SFTPD: variants seen among roughly 807,000 people sequenced by gnomAD.
SFTPD encodes the protein pulmonary surfactant-associated protein D.
A neutral mutation model predicts 34.6 loss-of-function variants in SFTPD; 18 were observed. That is an observed-to-expected ratio of 0.52 (90% CI 0.36 to 0.77). The LOEUF is 0.77. Ranked by LOEUF, SFTPD falls within the 30% of genes least tolerant of loss-of-function variation. The probability of loss-of-function intolerance (pLI) is 0.00; values close to 1 mark genes in which losing one functional copy is unlikely to be tolerated. For synonymous variants in SFTPD, 155 were observed against 180.9 expected (o/e 0.86, Z 1.15); for missense variants, 433 against 468.9 (o/e 0.92, Z 0.71).
chr10:79,940,744 CT>C lies in SFTPD; in HGVS notation c.711del (p.Val238TyrfsTer34). 6.2e-7 allele frequency: 1 copy of C among 1,612,542 alleles called. No individual in the cohort carries two copies. Among genetic ancestry groups the C allele is most frequent in the Non-Finnish European group, 8.5e-7 (1 of 1,178,668 alleles). ...LRQQVEALQG[Q>X]VQHLQAAFSQ... ...GAGAAAGCAGCCTGGAGGTGCTGTA[CT>C]TGTCCCTGTAAGGCCTCAACCTGCT... On this transcript the variant is annotated frameshift_variant, in exon 7 of 8. Coordinates refer to ENST00000372292, the MANE Select transcript of SFTPD (RefSeq NM_003019.5). LOFTEE classifies it low-confidence loss of function (END_TRUNC).
At chr10:79,968,862 C>T (rs1298727417) in intron 1 of SFTPD, 1 of 152,004 alleles carries the variant, frequency 6.6e-6, no homozygotes, top group Non-Finnish European at 1.5e-5. Context: ...TCATGATAGT[C>T]GTTCTGACTG....
chr10:79,941,274 C>T, intron 6 of SFTPD, 124 bp downstream of exon 6: 2 of 835,428 alleles, frequency 2.4e-6, no homozygotes, highest in Non-Finnish European at 3.9e-6. Flanking sequence ...TTCCTGAGTT[C>T]CACCCACCAG....
rs549834679 is a variant in SFTPD, at chr10:79,974,891, C to G, written c.36+7684G>C. Among the ~76,000 whole-genome samples the G allele has an allele frequency of 3.9e-5, 6 of 152,300 alleles. No homozygotes were observed. The East Asian group carries it at 1.2e-3, about 29-fold the overall frequency. On this transcript the variant is annotated intron_variant, in intron 1 of 5. Transcript: ENST00000444384. ...AGTGGGAAATCAGGGGTCTCACAGC[C>G]TTCAGAGCATTAATTAGCATTGTTT...
intron 1 of SFTPD, among the ~76,000 whole-genome samples, chr10:79,958,179 C>A (rs567673361): frequency 6.6e-6 from 1 of 152,298 alleles, no homozygotes; most frequent in East Asian, 1.9e-4. Flanking sequence ...ACAACTGGTA[C>A]CAGCCACTGC....
At chr10:79,946,687 A>G in intron 1 of SFTPD, 25 bp from the exon 2 acceptor site, 1 of 1,602,292 alleles carries the variant, frequency 6.2e-7, no homozygotes, top group Non-Finnish European at 8.5e-7. Flanking sequence ...AGAAAGAGAA[A>G]AGACATGCTT....
intron 1 of SFTPD, among the ~76,000 whole-genome samples, chr10:79,956,347 G>A (rs1168347195): frequency 6.6e-6 from 1 of 152,240 alleles, no homozygotes; most frequent in Non-Finnish European, 1.5e-5. Context: ...CCAAAGCAGG[G>A]CGAGGCATTC....
intron 2 of SFTPD, among the ~76,000 whole-genome samples, chr10:79,945,433 C>T (rs567753181): frequency 2.0e-5 from 3 of 152,276 alleles, no homozygotes; most frequent in South Asian, 2.1e-4. Context: ...GATATTGCTT[C>T]GTCTTTCCAG....
intron 1 of SFTPD, chr10:79,971,966 A>G (rs1842837154): frequency 6.6e-6 from 1 of 152,098 alleles, no homozygotes; most frequent in Non-Finnish European, 1.5e-5. Flanking sequence ...TCTGGAATCC[A>G]TAGGAAGATG....
At chr10:79,957,309 T>A (rs552119565) in intron 1 of SFTPD, among the ~76,000 whole-genome samples, 6 of 152,254 alleles carry the variant, frequency 3.9e-5, no homozygotes, top group African/African-American at 1.4e-4. Context: ...GAGAATGACT[T>A]TGATGAGCTG....
intron 1 of SFTPD, among the ~76,000 whole-genome samples, chr10:79,959,384 C>T (rs1212107465): frequency 9.9e-5 from 15 of 151,224 alleles, no homozygotes; most frequent in African/African-American, 3.4e-4. Flanking sequence ...TCAACAAAAT[C>T]GATAGACTGC....
At chr10:79,960,548 G>T (rs1044750575) in intron 1 of SFTPD, among the ~76,000 whole-genome samples, 2 of 149,412 alleles carry the variant, frequency 1.3e-5, no homozygotes, top group African/African-American at 5.0e-5. Context: ...ATTCACAATT[G>T]CTTCAAAGAG....
chr10:79,975,572 A>G (rs1195161352), intron 1 of SFTPD, among the ~76,000 whole-genome samples: 7 of 152,110 alleles, frequency 4.6e-5, no homozygotes, highest in Non-Finnish European at 5.9e-5. Context: ...GATGGACACC[A>G]CTTGCTGAGA....
chr10:79,944,756 A>G (rs2181204), intron 2 of SFTPD, among the ~76,000 whole-genome samples: 27,506 of 152,028 alleles, frequency 0.18, 3,208 homozygotes, highest in East Asian at 0.41. Context: ...ATTGTTCCCC[A>G]CAAAGGCAGG....
At chr10:79,947,429 C>G (rs1353585807) in intron 1 of SFTPD, among the ~76,000 whole-genome samples, 1 of 152,162 alleles carries the variant, frequency 6.6e-6, no homozygotes. Context: ...GTCGCTCATG[C>G]CTGTAACCCC....
chr10:79,948,365 T>C (rs1196064266), intron 1 of SFTPD, among the ~76,000 whole-genome samples: 1 of 152,208 alleles, frequency 6.6e-6, no homozygotes, highest in Non-Finnish European at 1.5e-5. Context: ...CAGCAGCCAC[T>C]GTGGCTTGAA....
intron 1 of SFTPD, chr10:79,982,212 A>G: frequency 1.8e-6 from 1 of 563,076 alleles, no homozygotes. Flanking sequence ...TGGGGCTCGG[A>G]TCTACCTTCC....
intron 1 of SFTPD, chr10:79,982,065 T>A (rs1220987423): frequency 3.4e-6 from 1 of 296,696 alleles, no homozygotes; most frequent in African/African-American, 2.3e-5. Context: ...GTGCGGGGGG[T>A]CTCTCTGGGC....
intron 5 of SFTPD, 90 bp downstream of exon 5, chr10:79,941,864 G>A: frequency 1.2e-6 from 1 of 831,052 alleles, no homozygotes; most frequent in Non-Finnish European, 2.1e-6. Flanking sequence ...CTCTGCCTTT[G>A]TGGGTGGTGG....
At chr10:79,955,401 T>C (rs1199409924) in intron 1 of SFTPD, among the ~76,000 whole-genome samples, 1 of 152,138 alleles carries the variant, frequency 6.6e-6, no homozygotes, top group Non-Finnish European at 1.5e-5. Flanking sequence ...GCTTTGCAAC[T>C]AAGTTGCAAA....
Sources: gnomAD v4.1 joint callset for allele counts (sites outside exome capture counted in the v4.1 genomes callset) on GRCh38, gnomAD v4.1.1 for gene constraint, MANE v1.5 for transcripts, NCBI Gene and HGNC (gene_info 2026-07-23, HGNC 2026-07-21) for gene names.